CCSER1: variants seen among roughly 807,000 people sequenced by gnomAD.
CCSER1 encodes coiled-coil serine rich protein 1.
A neutral mutation model predicts 82.0 loss-of-function variants in CCSER1; 41 were observed. The observed-to-expected ratio is 0.50, with a 90% CI of 0.39 to 0.65. The LOEUF (loss-of-function observed/expected upper bound fraction) is 0.65, where lower values mean the gene tolerates loss of function less well. CCSER1 is among the 30% of genes least tolerant of loss of function. The pLI is 0.00. For synonymous variants in CCSER1, 414 were observed against 383.9 expected (o/e 1.08, Z -0.92); for missense variants, 1,119 against 1,064.2 (o/e 1.05, Z -0.72).
intron 3 of CCSER1, among the ~76,000 whole-genome samples, chr4:90,327,346 C>A (rs1738408610): frequency 6.6e-6 from 1 of 152,078 alleles, no homozygotes; most frequent in African/African-American, 2.4e-5. Context: ...ACCACTTGTC[C>A]CCATTTTAAC....
intron 9 of CCSER1, among the ~76,000 whole-genome samples, chr4:91,044,040 G>A (rs1046057409): frequency 6.6e-6 from 1 of 152,156 alleles, no homozygotes; most frequent in African/African-American, 2.4e-5. Context: ...AGACCCAGGT[G>A]TTTACCTCCA....
At chr4:90,721,406 T>A (rs898654494) in intron 6 of CCSER1, among the ~76,000 whole-genome samples, 7 of 151,918 alleles carry the variant, frequency 4.6e-5, no homozygotes, top group African/African-American at 7.2e-5. Flanking sequence ...TTTATTCTGT[T>A]GAGATATTTG....
chr4:90,736,042 A>G (rs894186253), intron 7 of CCSER1, among the ~76,000 whole-genome samples: 2 of 151,986 alleles, frequency 1.3e-5, no homozygotes, highest in African/African-American at 4.8e-5. Context: ...TTGATTTTTC[A>G]TTTTATTCTA....
chr4:91,171,120 G>C (rs1014487303), intron 10 of CCSER1, among the ~76,000 whole-genome samples: 2 of 152,108 alleles, frequency 1.3e-5, no homozygotes, highest in African/African-American at 4.8e-5. Flanking sequence ...TATTTGCAAA[G>C]TAATCAGTAT....
In CCSER1 at chr4:90,526,348, A is replaced by G. The variant is rs192137527; in HGVS notation, c.1724+57994A>G. On this transcript the variant is annotated intron_variant, in intron 5 of 10. Transcript: ENST00000509176. Reference sequence around the variant, plus strand: ...TCATAGCTCTCTCACTTAACAGCTCATGATTTAACTGCCATGAGCCTCAGT... The same window carrying G: ...TCATAGCTCTCTCACTTAACAGCTCGTGATTTAACTGCCATGAGCCTCAGT... Among the ~76,000 whole-genome samples the G allele has an allele frequency of 1.4e-4, 22 of 152,278 alleles. 2 individuals carry two copies. The East Asian group carries it at 4.2e-3, about 29-fold the overall frequency.
intron 6 of CCSER1, among the ~76,000 whole-genome samples, chr4:90,681,859 T>G (rs1733950119): frequency 6.6e-6 from 1 of 151,996 alleles, no homozygotes; most frequent in Non-Finnish European, 1.5e-5. Context: ...AATGGTAAAT[T>G]TTTACATTCA....
At chr4:90,570,826 A>G (rs1053872595) in intron 5 of CCSER1, among the ~76,000 whole-genome samples, 1 of 152,272 alleles carries the variant, frequency 6.6e-6, no homozygotes, top group Non-Finnish European at 1.5e-5. Context: ...CATCTACTGG[A>G]CTGACACTTG....
intron 10 of CCSER1, among the ~76,000 whole-genome samples, chr4:91,516,112 G>A (rs1482755672): frequency 6.6e-6 from 1 of 151,918 alleles, no homozygotes; most frequent in Non-Finnish European, 1.5e-5. Context: ...GCTATTATAT[G>A]TAGTTAGAAG....
chr4:91,530,334 T>G (rs73838033), intron 10 of CCSER1, among the ~76,000 whole-genome samples: 20,659 of 152,070 alleles, frequency 0.14, 1,594 homozygotes, highest in African/African-American at 0.21. Flanking sequence ...AATTTATGAA[T>G]ATTATTGGAA....
At chr4:91,324,979 T>C (rs910481004) in intron 10 of CCSER1, 5 of 335,350 alleles carry the variant, frequency 1.5e-5, no homozygotes, top group African/African-American at 4.4e-5. Context: ...TGGGAGGTGA[T>C]TGGATCATGA....
chr4:90,141,036 C>CTATCTATCTATCTATCTATA, intron 1 of CCSER1, among the ~76,000 whole-genome samples: 1 of 151,654 alleles, frequency 6.6e-6, no homozygotes, highest in African/African-American at 2.4e-5. Flanking sequence ...ATCTATCTAT[C>CTATCTATCTATCTATCTATA]TATCTATCTA....
At chr4:91,381,650 C>A (rs866889497) in intron 10 of CCSER1, among the ~76,000 whole-genome samples, 4 of 152,056 alleles carry the variant, frequency 2.6e-5, no homozygotes, top group Non-Finnish European at 4.4e-5. Context: ...TTCGTCTAAT[C>A]TTTTTTCAAG....
At chr4:90,749,919 G>T (rs2149478669) in intron 7 of CCSER1, among the ~76,000 whole-genome samples, 1 of 152,014 alleles carries the variant, frequency 6.6e-6, no homozygotes, top group African/African-American at 2.4e-5. Flanking sequence ...CAGTGTAAAA[G>T]TGTTCCTATT....
intron 8 of CCSER1, among the ~76,000 whole-genome samples, chr4:90,842,394 G>A (rs1252354130): frequency 6.6e-6 from 1 of 152,120 alleles, no homozygotes; most frequent in Non-Finnish European, 1.5e-5. Context: ...AACTTCTCAG[G>A]GAGAGAGTAA....
chr4:91,177,052 C>A (rs995407472), intron 10 of CCSER1, among the ~76,000 whole-genome samples: 2 of 152,062 alleles, frequency 1.3e-5, no homozygotes, highest in African/African-American at 4.8e-5. Flanking sequence ...TTGTCGAAGG[C>A]CTTTTCTGCA....
At chr4:90,382,088 G>A (rs1749292972) in intron 3 of CCSER1, among the ~76,000 whole-genome samples, 2 of 151,944 alleles carry the variant, frequency 1.3e-5, no homozygotes, top group Non-Finnish European at 2.9e-5. Flanking sequence ...GAGTGATTTG[G>A]ATAAAATAAA....
chr4:91,549,067 C>CTGTT (rs1050246316), intron 10 of CCSER1, among the ~76,000 whole-genome samples: 4 of 151,556 alleles, frequency 2.6e-5, no homozygotes, highest in African/African-American at 9.7e-5. Context: ...GCCTTTTTTT[C>CTGTT]TGTTTGCTTT....
chr4:90,838,592 T>A (rs1762115672), intron 8 of CCSER1, among the ~76,000 whole-genome samples: 1 of 151,998 alleles, frequency 6.6e-6, no homozygotes, highest in African/African-American at 2.4e-5. Context: ...TAAACTGCAT[T>A]ACAGCCTGCA....
intron 10 of CCSER1, among the ~76,000 whole-genome samples, chr4:91,251,769 C>T (rs1388052876): frequency 6.6e-6 from 1 of 152,042 alleles, no homozygotes. Context: ...GGGCCATATG[C>T]ACATATATGC....
Sources: allele counts gnomAD v4.1 joint callset (sites outside exome capture counted in the v4.1 genomes callset), GRCh38; gene constraint gnomAD v4.1.1; transcripts MANE v1.5; gene names NCBI Gene and HGNC (gene_info 2026-07-23, HGNC 2026-07-21).